Variants in KCNH8 observed in about 807,000 individuals in gnomAD.
KCNH8 encodes the protein potassium voltage-gated channel subfamily H member 8, also known as voltage-gated delayed rectifier potassium channel KCNH8.
In KCNH8, 70 loss-of-function variants were observed where a neutral mutation model predicts 103.6. The observed-to-expected ratio is 0.68, with a 90% CI of 0.56 to 0.82. The LOEUF (loss-of-function observed/expected upper bound fraction) is 0.82, where lower values mean the gene tolerates loss of function less well. KCNH8 is among the 40% of genes least tolerant of loss of function. The pLI, the probability that KCNH8 is intolerant of heterozygous loss-of-function variation, is 0.00. For synonymous variants in KCNH8, 498 were observed against 489.4 expected (o/e 1.02, Z -0.23); for missense variants, 1,217 against 1,329.9 (o/e 0.92, Z 1.32).
At chr3:19,519,388 C>A (rs990208585) in intron 15 of KCNH8, among the ~76,000 whole-genome samples, 1 of 151,482 alleles carries the variant, frequency 6.6e-6, no homozygotes, top group African/African-American at 2.4e-5. Context: ...GTAATAAGGG[C>A]AGACTGAGTA....
At position 19,451,066 on chromosome 3, in the gene KCNH8, G is replaced by C. The variant is rs141058502; in HGVS notation, c.1576-89G>C. 5 of 1,280,990 alleles carry C rather than the reference G, an allele frequency of 3.9e-6. No homozygotes were observed. In the East Asian group the frequency reaches 9.3e-5, roughly 24 times the overall value. 79.4% of individuals were successfully genotyped at this position (1,280,990 alleles called of 1,614,324 possible). On this transcript the variant is annotated intron_variant, in intron 9 of 15. Coordinates refer to ENST00000328405, the MANE Select transcript of KCNH8 (RefSeq NM_144633.3). ...CTGGATGGCCAAACAGCAGGAGACA[G>C]TAGGAAGAGCATCCCTGCTGTCTTG...
At chr3:19,203,275 T>C (rs1479139892) in intron 1 of KCNH8, among the ~76,000 whole-genome samples, 2 of 152,070 alleles carry the variant, frequency 1.3e-5, no homozygotes, top group African/African-American at 4.8e-5. Flanking sequence ...ACTCATATAT[T>C]TGAAGCACTT....
intron 3 of KCNH8, among the ~76,000 whole-genome samples, chr3:19,319,595 A>T (rs541683599): frequency 1.2e-4 from 19 of 152,024 alleles, no homozygotes; most frequent in Middle Eastern, 3.4e-3. Flanking sequence ...AAGTTGGGTA[A>T]TGTAATGTCT....
chr3:19,176,359 A>G (rs2063399520), intron 1 of KCNH8, among the ~76,000 whole-genome samples: 1 of 152,200 alleles, frequency 6.6e-6, no homozygotes, highest in South Asian at 2.1e-4. Flanking sequence ...ATGAGGCTCT[A>G]TAAACATGAG....
At chr3:19,216,882 C>T (rs2063823397) in intron 1 of KCNH8, among the ~76,000 whole-genome samples, 2 of 152,176 alleles carry the variant, frequency 1.3e-5, no homozygotes, top group South Asian at 4.1e-4. Flanking sequence ...CGATGCTTGC[C>T]AGGAAGGGTG....
chr3:19,329,170 C>T (rs141836147), intron 3 of KCNH8, among the ~76,000 whole-genome samples: 20 of 152,242 alleles, frequency 1.3e-4, no homozygotes, highest in African/African-American at 3.6e-4. Context: ...CGAGGCTTCC[C>T]CACATTTCCT....
At chr3:19,252,779 C>G (rs779507920) in intron 1 of KCNH8, among the ~76,000 whole-genome samples, 3 of 152,100 alleles carry the variant, frequency 2.0e-5, no homozygotes, top group Non-Finnish European at 2.9e-5. Context: ...TCATTAATTC[C>G]TACAACACAC....
At chr3:19,380,417 G>A (rs141150490) in intron 5 of KCNH8, among the ~76,000 whole-genome samples, 1 of 152,198 alleles carries the variant, frequency 6.6e-6, no homozygotes, top group Non-Finnish European at 1.5e-5. Context: ...GTGTACTTCG[G>A]CACTAACAGG....
At chr3:19,151,810 TA>T (rs1279096760) in intron 1 of KCNH8, among the ~76,000 whole-genome samples, 2 of 151,988 alleles carry the variant, frequency 1.3e-5, no homozygotes, top group Non-Finnish European at 2.9e-5. Flanking sequence ...TAATTGAGGC[TA>T]TTTTTTTCTG....
At chr3:19,531,462 T>G (rs59258938) in intron 15 of KCNH8, among the ~76,000 whole-genome samples, 1,884 of 152,310 alleles carry the variant, frequency 0.012, 31 homozygotes, top group African/African-American at 0.041. Context: ...AATGTGAGGC[T>G]GAGAGATGTT....
chr3:19,317,903 T>A (rs895344233), intron 3 of KCNH8, among the ~76,000 whole-genome samples: 1 of 151,976 alleles, frequency 6.6e-6, no homozygotes, highest in African/African-American at 2.4e-5. Context: ...ACATTCCCCT[T>A]GAAAACTGGC....
intron 1 of KCNH8, among the ~76,000 whole-genome samples, chr3:19,162,055 C>G (rs2063239201): frequency 6.6e-6 from 1 of 152,008 alleles, no homozygotes; most frequent in South Asian, 2.1e-4. Flanking sequence ...TTAGTCTTTT[C>G]TAAATGAGCC....
chr3:19,360,181 A>C (rs1221910883), intron 5 of KCNH8, among the ~76,000 whole-genome samples: 2 of 152,116 alleles, frequency 1.3e-5, no homozygotes, highest in East Asian at 3.9e-4. Flanking sequence ...CCTAGGATTC[A>C]GCATTTATTC....
Position 19,466,648 on chromosome 3 carries a change from CA to C in KCNH8, c.2040+9667del, listed in dbSNP as rs1214383810. 1.1e-4 allele frequency among the ~76,000 whole-genome samples: 12 copies of C among 107,794 alleles called. No individual in the cohort carries two copies. In the East Asian group the frequency reaches 2.5e-3, roughly 23 times the overall value. 70.7% of individuals were successfully genotyped at this position (107,794 alleles called of 152,430 possible). A position where few individuals can be genotyped will look rare whatever the true frequency, so the allele number is the denominator to read the frequency against. ...TGATTGTTAACATTTTGTAGCAATA[CA>C]TTTTTTTTTTTTTTTTTTTTTTTTT... is the stretch of plus-strand genomic sequence containing the variant. On this transcript the variant is annotated intron_variant, in intron 11 of 15. Coordinates refer to ENST00000328405, the MANE Select transcript of KCNH8 (RefSeq NM_144633.3).
chr3:19,286,405 C>T (rs915381840), intron 3 of KCNH8, among the ~76,000 whole-genome samples: 1 of 152,212 alleles, frequency 6.6e-6, no homozygotes, highest in Admixed American at 6.5e-5. Context: ...AGAGGGACTG[C>T]TGACCATGGG....
chr3:19,387,044 TTG>T (rs1559302502), intron 5 of KCNH8, among the ~76,000 whole-genome samples: 3 of 152,128 alleles, frequency 2.0e-5, no homozygotes, highest in Admixed American at 1.3e-4. Flanking sequence ...TTTATAAACA[TTG>T]AGTTATCCTG....
intron 15 of KCNH8, among the ~76,000 whole-genome samples, chr3:19,518,879 T>C (rs1045502119): frequency 2.6e-5 from 4 of 151,960 alleles, no homozygotes; most frequent in Non-Finnish European, 5.9e-5. Flanking sequence ...GTCTCTCTCA[T>C]TAAAATAAAA....
At chr3:19,404,993 A>G (rs2066670710) in intron 7 of KCNH8, among the ~76,000 whole-genome samples, 1 of 151,804 alleles carries the variant, frequency 6.6e-6, no homozygotes, top group African/African-American at 2.4e-5. Context: ...AATAGAGGAC[A>G]TTTTAGCTCA....
At chr3:19,233,600 T>C (rs1276131301) in intron 1 of KCNH8, among the ~76,000 whole-genome samples, 1 of 152,164 alleles carries the variant, frequency 6.6e-6, no homozygotes, top group East Asian at 1.9e-4. Context: ...ATTATAACAT[T>C]GATGAGAAAA....
Sources: allele counts gnomAD v4.1 joint callset (sites outside exome capture counted in the v4.1 genomes callset), GRCh38; gene constraint gnomAD v4.1.1; transcripts MANE v1.5; gene names NCBI Gene and HGNC (gene_info 2026-07-23, HGNC 2026-07-21).